ULK4: variants seen among roughly 807,000 people sequenced by gnomAD.
ULK4 encodes the protein unc-51 like kinase 4.
Under a neutral mutation model 160.6 loss-of-function variants are expected in ULK4, and 133 were observed. That is an observed-to-expected ratio of 0.83 (90% CI 0.72 to 0.96). ULK4 has a LOEUF of 0.96. ULK4 is among the 40% of genes least tolerant of loss of function. The pLI, the probability that ULK4 is intolerant of heterozygous loss-of-function variation, is 0.00. For missense variants in ULK4, 1,580 were observed against 1,499.5 expected (o/e 1.05, Z -0.89); for synonymous variants, 534 against 539.8 (o/e 0.99, Z 0.15).
chr3:41,413,169 A>C (rs1337804370), intron 34 of ULK4, among the ~76,000 whole-genome samples: 1 of 152,156 alleles, frequency 6.6e-6, no homozygotes, highest in African/African-American at 2.4e-5. Context: ...AAAAACCATC[A>C]GCTCTCGTGA....
chr3:41,602,249 G>A (rs78562137), intron 31 of ULK4, among the ~76,000 whole-genome samples: 2,258 of 115,988 alleles, frequency 0.019, 24 homozygotes, highest in Non-Finnish European at 0.029. Flanking sequence ...GGAAGGAAGA[G>A]AAAAAGGAAA....
intron 35 of ULK4, among the ~76,000 whole-genome samples, chr3:41,334,001 C>T (rs554951121): frequency 5.9e-5 from 9 of 152,162 alleles, no homozygotes; most frequent in Non-Finnish European, 1.3e-4. Flanking sequence ...ATGTCAAGAT[C>T]TTGAGAGGAG....
intron 30 of ULK4, among the ~76,000 whole-genome samples, chr3:41,632,795 A>T (rs1446451842): frequency 1.3e-5 from 2 of 152,178 alleles, no homozygotes; most frequent in East Asian, 1.9e-4. Context: ...TGACAAATTA[A>T]GGCAGAAAGA....
chr3:41,474,895 G>A (rs1460709947), intron 32 of ULK4, among the ~76,000 whole-genome samples: 5 of 150,834 alleles, frequency 3.3e-5, no homozygotes, highest in Non-Finnish European at 7.4e-5. Context: ...TTGGTGAAAT[G>A]TAAATTAGTA....
At chr3:41,897,610 A>T (rs1698205858) in intron 14 of ULK4, among the ~76,000 whole-genome samples, 1 of 152,188 alleles carries the variant, frequency 6.6e-6, no homozygotes, top group Admixed American at 6.5e-5. Flanking sequence ...GGGAAATAGT[A>T]TTTCCAGGTG....
chr3:41,518,740 G>A (rs1178264705), intron 32 of ULK4, among the ~76,000 whole-genome samples: 2 of 152,214 alleles, frequency 1.3e-5, no homozygotes, highest in African/African-American at 4.8e-5. Context: ...GGAAAAAAGA[G>A]TGAGCCAGAT....
At chr3:41,619,504 G>C (rs1321078831) in intron 30 of ULK4, among the ~76,000 whole-genome samples, 2 of 152,134 alleles carry the variant, frequency 1.3e-5, no homozygotes, top group Non-Finnish European at 2.9e-5. Flanking sequence ...TGAACAACCT[G>C]CTCCTGAACG....
chr3:41,742,887 A>G (rs1351639394), intron 22 of ULK4, among the ~76,000 whole-genome samples: 2 of 151,976 alleles, frequency 1.3e-5, no homozygotes, highest in East Asian at 3.9e-4. Flanking sequence ...ACCAGTGGAC[A>G]TGACTACAAA....
intron 18 of ULK4, among the ~76,000 whole-genome samples, chr3:41,822,552 G>A (rs1484345139): frequency 1.3e-5 from 2 of 151,780 alleles, no homozygotes; most frequent in Admixed American, 6.6e-5. Context: ...CAAGTAGCTG[G>A]GATTACAGGC....
At chr3:41,661,510 TGATAGATA>T (rs1553629446) in intron 30 of ULK4, among the ~76,000 whole-genome samples, 9 of 119,270 alleles carry the variant, frequency 7.5e-5, no homozygotes, top group South Asian at 2.4e-4. Context: ...GATAGATAGA[TGATAGATA>T]GATAGATAGA....
chr3:41,803,605 A>C (rs1327221135), intron 19 of ULK4, among the ~76,000 whole-genome samples: 1 of 152,106 alleles, frequency 6.6e-6, no homozygotes, highest in Non-Finnish European at 1.5e-5. Context: ...ATTTAACATT[A>C]GGTATATCTG....
chr3:41,935,157 C>G lies in ULK4; in HGVS notation c.378+644G>C, dbSNP rs1479981947. Reference sequence around the variant, plus strand: ...TCGGCCTCCCAAGTAGATGGAATTACAGGCGCTCACCACCATGCCCAGCTA... The same window carrying G: ...TCGGCCTCCCAAGTAGATGGAATTAGAGGCGCTCACCACCATGCCCAGCTA... On this transcript the variant is annotated intron_variant, in intron 4 of 36. Transcript: ENST00000301831. Among the ~76,000 whole-genome samples the G allele has an allele frequency of 2.0e-5, 3 of 148,914 alleles. No individual in the cohort carries two copies. The East Asian group carries it at 6.0e-4, about 30-fold the overall frequency.
chr3:41,326,938 G>GT (rs1483289364), intron 35 of ULK4, among the ~76,000 whole-genome samples: 2 of 152,172 alleles, frequency 1.3e-5, no homozygotes, highest in African/African-American at 2.4e-5. Flanking sequence ...AATGTTTCAC[G>GT]TAAGGGCTCT....
chr3:41,474,680 G>A (rs1040411311), intron 32 of ULK4, among the ~76,000 whole-genome samples: 4 of 151,212 alleles, frequency 2.6e-5, no homozygotes, highest in Non-Finnish European at 4.4e-5. Context: ...ATTTAAAAAC[G>A]AACAAGGAAC....
rs372214331 is a variant in ULK4 at position 41,935,892 on chromosome 3, T to G, written c.287A>C (p.Asp96Ala). 1.2e-6 allele frequency: 2 copies of G among 1,613,974 alleles called. No homozygotes were observed. Among genetic ancestry groups the G allele is most frequent in the Non-Finnish European group, 1.7e-6 (2 of 1,179,970 alleles). ...VIAQDENLPE[D>A]VVREFGIDLI... The stretch of plus-strand genomic sequence containing the variant: ...GTCAATTCCAAATTCTCTCACAACA[T>G]CTTCTGGGAGGTTTTCATCTTGAGC... The change falls in exon 4 of 37, where the codon GAT (aspartate) becomes GCT (alanine). Residue 96 changes from aspartate (D) to alanine (A), a missense_variant. Transcript: ENST00000301831.
chr3:41,288,214 T>TAA (rs1163543853), intron 35 of ULK4, among the ~76,000 whole-genome samples: 1 of 151,300 alleles, frequency 6.6e-6, no homozygotes, highest in Non-Finnish European at 1.5e-5. Flanking sequence ...CTGTGACCAT[T>TAA]AAAAAAAAAT....
chr3:41,271,849 T>C (rs2079143221), intron 35 of ULK4, among the ~76,000 whole-genome samples: 1 of 152,218 alleles, frequency 6.6e-6, no homozygotes, highest in African/African-American at 2.4e-5. Flanking sequence ...GAGAACATCA[T>C]GGTAGTGTAG....
At chr3:41,547,760 G>A (rs1224487896) in intron 32 of ULK4, among the ~76,000 whole-genome samples, 3 of 152,208 alleles carry the variant, frequency 2.0e-5, no homozygotes, top group Non-Finnish European at 4.4e-5. Context: ...ACATCCCTCA[G>A]TATCCATCCA....
chr3:41,924,282 T>C (rs1699299194), intron 5 of ULK4, among the ~76,000 whole-genome samples: 1 of 151,978 alleles, frequency 6.6e-6, no homozygotes, highest in African/African-American at 2.4e-5. Context: ...ATTCTCAAAG[T>C]CTCCAGGAAA....
Sources: allele counts gnomAD v4.1 joint callset (sites outside exome capture counted in the v4.1 genomes callset), GRCh38; gene constraint gnomAD v4.1.1; transcripts MANE v1.5; gene names NCBI Gene and HGNC (gene_info 2026-07-23, HGNC 2026-07-21).